SLC4A10: variants seen among roughly 807,000 people sequenced by gnomAD.
SLC4A10 encodes solute carrier family 4 member 10.
Under a neutral mutation model 137.7 loss-of-function variants are expected in SLC4A10, and 42 were observed. That is an observed-to-expected ratio of 0.30 (90% CI 0.24 to 0.39). SLC4A10 has a LOEUF of 0.39. Ranked by LOEUF, SLC4A10 falls within the 10% of genes least tolerant of loss-of-function variation. The pLI, the probability that SLC4A10 is intolerant of heterozygous loss-of-function variation, is 1.00. For synonymous variants in SLC4A10, 474 were observed against 464.1 expected, an observed-to-expected ratio of 1.02 and a Z score of -0.27; for missense variants, 925 against 1,355.0, an observed-to-expected ratio of 0.68 and a Z score of 4.98.
At chr2:161,807,604 G>A (rs566153043) in intron 3 of SLC4A10, among the ~76,000 whole-genome samples, 2 of 152,148 alleles carry the variant, frequency 1.3e-5, no homozygotes, top group Middle Eastern at 3.4e-3. Flanking sequence ...TAGTCTGATT[G>A]CATAGCATGC....
intron 8 of SLC4A10, among the ~76,000 whole-genome samples, chr2:161,878,142 T>G (rs1343393373): frequency 6.6e-6 from 1 of 152,138 alleles, no homozygotes; most frequent in African/African-American, 2.4e-5. Context: ...GCCCCACTCA[T>G]ATTTGCCAGA....
chr2:161,792,520 G>A (rs1421292215), intron 2 of SLC4A10, among the ~76,000 whole-genome samples: 1 of 152,068 alleles, frequency 6.6e-6, no homozygotes, highest in Non-Finnish European at 1.5e-5. Flanking sequence ...GCATAGTGAA[G>A]GAGATCAACT....
At chr2:161,761,495 A>C (rs2050248471) in intron 1 of SLC4A10, among the ~76,000 whole-genome samples, 1 of 152,002 alleles carries the variant, frequency 6.6e-6, no homozygotes, top group East Asian at 1.9e-4. Context: ...CTGGGTACAA[A>C]ATTGGATTCA....
At chr2:161,905,469 A>G (rs1684143713) in intron 14 of SLC4A10, among the ~76,000 whole-genome samples, 173 bp from the exon 15 acceptor site, 1 of 152,172 alleles carries the variant, frequency 6.6e-6, no homozygotes, top group Non-Finnish European at 1.5e-5. Flanking sequence ...ATAACAGGCC[A>G]TGGACCAGGG....
chr2:161,741,709 A>G (rs1486380677), intron 1 of SLC4A10, among the ~76,000 whole-genome samples: 1 of 152,116 alleles, frequency 6.6e-6, no homozygotes, highest in Non-Finnish European at 1.5e-5. Flanking sequence ...ATAGGTGTAT[A>G]TATTTATGGG....
At chr2:161,851,172 G>T (rs1262851111) in intron 4 of SLC4A10, among the ~76,000 whole-genome samples, 1 of 152,192 alleles carries the variant, frequency 6.6e-6, no homozygotes, top group Admixed American at 6.5e-5. Context: ...CAGATGAAAA[G>T]AATGTATATT....
intron 6 of SLC4A10, among the ~76,000 whole-genome samples, chr2:161,863,786 G>T (rs2060573146): frequency 6.6e-6 from 1 of 152,002 alleles, no homozygotes; most frequent in Admixed American, 6.6e-5. Flanking sequence ...CTCATCATTT[G>T]CAATAAGGAA....
At chr2:161,875,986 C>T (rs941310708) in intron 8 of SLC4A10, among the ~76,000 whole-genome samples, 5 of 152,114 alleles carry the variant, frequency 3.3e-5, no homozygotes, top group Non-Finnish European at 7.4e-5. Flanking sequence ...TAACTCTTAG[C>T]GTGTAGTTTG....
In SLC4A10 at chr2:161,764,735, G is replaced by A. The variant is rs79011334; in HGVS notation, c.49-6238G>A. Among the ~76,000 whole-genome samples the A allele has an allele frequency of 2.9e-3, 442 of 152,104 alleles. 2 individuals carry two copies. Among genetic ancestry groups the A allele is most frequent in the African/African-American group, 0.01 (425 of 41,518 alleles). On this transcript the variant is annotated intron_variant, in intron 1 of 26. Coordinates refer to ENST00000446997, the MANE Select transcript of SLC4A10 (RefSeq NM_001178015.2). ...TGTGAACATTGTAACAATGAAATGC[G>A]GTGGCCCATATTAGCTGCTCTTCCA...
chr2:161,742,727 A>G (rs1475367480), intron 1 of SLC4A10, among the ~76,000 whole-genome samples: 1 of 151,980 alleles, frequency 6.6e-6, no homozygotes, highest in Non-Finnish European at 1.5e-5. Flanking sequence ...GGCATGAACC[A>G]TGGTGCCCAG....
intron 21 of SLC4A10, among the ~76,000 whole-genome samples, chr2:161,959,880 G>T (rs755758040): frequency 6.6e-6 from 1 of 152,088 alleles, no homozygotes; most frequent in African/African-American, 2.4e-5. Flanking sequence ...TTCTTCCCAC[G>T]TATTTCTTTG....
At position 161,679,411 on chromosome 2, in the gene SLC4A10, G is replaced by A. The variant is rs892468294; in HGVS notation, c.48+54845G>A. Among the ~76,000 whole-genome samples, 3 of 152,210 alleles carry A rather than the reference G, an allele frequency of 2.0e-5. No homozygotes were observed. The East Asian group carries it at 5.8e-4, about 29-fold the overall frequency. ...TGATGGGAAGGATACAAAAGGTAAA[G>A]TGAAAGACTAGTCCTTGCCCTCAAT... On this transcript the variant is annotated intron_variant, in intron 1 of 26. Coordinates refer to ENST00000446997, the MANE Select transcript of SLC4A10 (RefSeq NM_001178015.2).
rs1452562300 is a variant in SLC4A10 at position 161,798,124 on chromosome 2, A to T, written c.131-6325A>T. On this transcript the variant is annotated intron_variant, in intron 2 of 26. Coordinates refer to ENST00000446997, the MANE Select transcript of SLC4A10 (RefSeq NM_001178015.2). ...TGTTTCTCTGTTACTCTCCCTTAGC[A>T]GAAATTTTCCATTGGACTTCTAGTG... Among the ~76,000 whole-genome samples, 4 of 151,982 alleles carry T rather than the reference A, an allele frequency of 2.6e-5. No individual in the cohort carries two copies. The East Asian group carries it at 7.7e-4, about 29-fold the overall frequency.
intron 2 of SLC4A10, among the ~76,000 whole-genome samples, chr2:161,775,040 G>T (rs1272907743): frequency 6.6e-6 from 1 of 151,824 alleles, no homozygotes; most frequent in African/African-American, 2.4e-5. Context: ...GAATATGATA[G>T]TATATGAAAA....
chr2:161,823,609 T>G (rs557558603), intron 3 of SLC4A10, among the ~76,000 whole-genome samples: 271 of 152,318 alleles, frequency 1.8e-3, no homozygotes, highest in Non-Finnish European at 2.6e-3. Flanking sequence ...CAAAGTTGAA[T>G]TGCTTGACAT....
chr2:161,710,855 C>A, intron 1 of SLC4A10: 1 of 269,508 alleles, frequency 3.7e-6, no homozygotes, highest in South Asian at 3.7e-5. Context: ...ATGAGGAATG[C>A]AGAAAAGAAA....
At position 161,828,786 on chromosome 2, in the gene SLC4A10, A is replaced by ATG. The variant is rs1559342828; in HGVS notation, c.278-11002_278-11001insGT. Among the ~76,000 whole-genome samples the ATG allele has an allele frequency of 5.6e-4, 63 of 112,258 alleles. 1 individual carries two copies. Among genetic ancestry groups the ATG allele is most frequent in the Non-Finnish European group, 9.9e-4 (53 of 53,782 alleles). The allele number at this position is 112,258 out of a possible 152,430, so 73.6% of individuals were successfully genotyped here. A position where few individuals can be genotyped will look rare whatever the true frequency, so the allele number is the denominator to read the frequency against. ...CTAATTCATATATATATATATATAT[A>ATG]TATATATATATATATATATATATGT... On this transcript the variant is annotated intron_variant, in intron 3 of 26. Coordinates refer to ENST00000446997, the MANE Select transcript of SLC4A10 (RefSeq NM_001178015.2).
intron 10 of SLC4A10, among the ~76,000 whole-genome samples, chr2:161,890,344 G>C (rs531462928): frequency 6.6e-6 from 1 of 152,070 alleles, no homozygotes; most frequent in Admixed American, 6.6e-5. Flanking sequence ...GAATATCCTT[G>C]TTGATTTTTC....
intron 1 of SLC4A10, among the ~76,000 whole-genome samples, chr2:161,749,070 C>G (rs145557299): frequency 8.6e-5 from 13 of 151,680 alleles, no homozygotes; most frequent in Non-Finnish European, 1.6e-4. Context: ...TTGATTTTCT[C>G]TCAGATAGAT....
Sources: gnomAD v4.1 joint callset for allele counts (sites outside exome capture counted in the v4.1 genomes callset) on GRCh38, gnomAD v4.1.1 for gene constraint, MANE v1.5 for transcripts, NCBI Gene and HGNC (gene_info 2026-07-23, HGNC 2026-07-21) for gene names.